DOCK3: variants seen among roughly 807,000 people sequenced by gnomAD.
The protein encoded by DOCK3 is dedicator of cytokinesis 3.
Under a neutral mutation model 265.6 loss-of-function variants are expected in DOCK3, and 60 were observed. The ratio of observed to expected loss-of-function variants is 0.23; its 90% confidence interval spans 0.18 to 0.28. DOCK3 has a LOEUF of 0.28. Among genes scored for constraint, DOCK3 ranks in the 10% least tolerant of loss-of-function variants. The pLI, the probability that DOCK3 is intolerant of heterozygous loss-of-function variation, is 1.00. For missense variants in DOCK3, 1,981 were observed against 2,594.3 expected (o/e 0.76, Z 5.14); for synonymous variants, 881 against 938.0 (o/e 0.94, Z 1.11).
chr3:51,000,071 T>C (rs1482916371), intron 5 of DOCK3, among the ~76,000 whole-genome samples: 1 of 152,194 alleles, frequency 6.6e-6, no homozygotes, highest in Non-Finnish European at 1.5e-5. Flanking sequence ...TTTCTTAGCA[T>C]GTATATGGCT....
chr3:50,803,518 C>T (rs2108690140), intron 2 of DOCK3, among the ~76,000 whole-genome samples: 1 of 152,082 alleles, frequency 6.6e-6, no homozygotes, highest in East Asian at 1.9e-4. Context: ...TTCCTTTCCC[C>T]ACACTTCCCC....
chr3:50,880,790 A>G (rs1359644068), intron 3 of DOCK3, among the ~76,000 whole-genome samples: 1 of 152,236 alleles, frequency 6.6e-6, no homozygotes, highest in Non-Finnish European at 1.5e-5. Flanking sequence ...GGCCAGCATC[A>G]TCCTGATACC....
At chr3:51,093,647 T>C (rs2082719064) in intron 9 of DOCK3, among the ~76,000 whole-genome samples, 1 of 152,214 alleles carries the variant, frequency 6.6e-6, no homozygotes, top group Admixed American at 6.5e-5. Context: ...TTTGACTTCC[T>C]CTCTTTCCTT....
intron 49 of DOCK3, among the ~76,000 whole-genome samples, chr3:51,365,969 C>T (rs2087124630): frequency 6.6e-6 from 1 of 152,112 alleles, no homozygotes; most frequent in Non-Finnish European, 1.5e-5. Context: ...GTGTCTCTGC[C>T]AGCCTTTGTT....
intron 15 of DOCK3, 91 bp from the exon 16 acceptor site, chr3:51,227,192 T>C: frequency 6.8e-7 from 1 of 1,476,040 alleles, no homozygotes; most frequent in Admixed American, 2.1e-5. Flanking sequence ...AATGAGACCT[T>C]TAGACAAGAG....
chr3:50,789,579 A>C (rs2042356687), intron 2 of DOCK3, among the ~76,000 whole-genome samples: 1 of 152,156 alleles, frequency 6.6e-6, no homozygotes, highest in Admixed American at 6.6e-5. Context: ...TGGATTATTG[A>C]AGTCCGCCAC....
At chr3:51,294,546 C>G (rs1163253665) in intron 27 of DOCK3, among the ~76,000 whole-genome samples, 4 of 151,878 alleles carry the variant, frequency 2.6e-5, no homozygotes, top group African/African-American at 9.7e-5. Context: ...GGCGTGGTGG[C>G]AGGTACCTGT....
chr3:51,154,284 T>C (rs973149826), intron 10 of DOCK3, among the ~76,000 whole-genome samples: 3 of 152,172 alleles, frequency 2.0e-5, no homozygotes, highest in South Asian at 2.1e-4. Context: ...AATAATATGT[T>C]GTCCATCTTT....
intron 9 of DOCK3, among the ~76,000 whole-genome samples, chr3:51,094,684 G>C (rs959279778): frequency 2.6e-5 from 4 of 150,956 alleles, no homozygotes; most frequent in Admixed American, 6.6e-5. Context: ...CCTGATCTTA[G>C]TTATTTCTTG....
At chr3:50,968,684 G>T (rs999079038) in intron 5 of DOCK3, among the ~76,000 whole-genome samples, 2 of 151,912 alleles carry the variant, frequency 1.3e-5, no homozygotes, top group Non-Finnish European at 2.9e-5. Context: ...CGAGTAGTTG[G>T]GACAACAGGT....
chr3:51,059,859 C>T (rs972373610), intron 5 of DOCK3, among the ~76,000 whole-genome samples: 1 of 152,126 alleles, frequency 6.6e-6, no homozygotes, highest in Non-Finnish European at 1.5e-5. Flanking sequence ...CAGGATCCAT[C>T]TGTTCATGTC....
chr3:50,978,324 T>C (rs1192086572), intron 5 of DOCK3, among the ~76,000 whole-genome samples: 2 of 151,820 alleles, frequency 1.3e-5, no homozygotes, highest in South Asian at 2.1e-4. Flanking sequence ...GGGTTTTTGG[T>C]GTGGATGTCC....
At chr3:51,311,942 C>A in intron 28 of DOCK3, 62 bp from the exon 29 acceptor site, 3 of 1,325,796 alleles carry the variant, frequency 2.3e-6, no homozygotes, top group South Asian at 1.4e-5. Context: ...CAGCTGATAC[C>A]AAGCCATCAG....
At chr3:51,136,270 C>A (rs2107077789) in intron 9 of DOCK3, among the ~76,000 whole-genome samples, 1 of 151,838 alleles carries the variant, frequency 6.6e-6, no homozygotes, top group East Asian at 1.9e-4. Context: ...GCTCGTCACC[C>A]AGGCTGGAGT....
At position 51,357,754 on chromosome 3, in the gene DOCK3, A is replaced by C. The variant is rs749349096; in HGVS notation, c.4684-4A>C. 1 of 1,613,906 alleles carries C rather than the reference A, an allele frequency of 6.2e-7. No individual in the cohort carries two copies. The highest frequency in any genetic ancestry group is 2.2e-5 in the East Asian group (1 of 44,884). On this transcript the variant is annotated splice_polypyrimidine_tract_variant and splice_region_variant and intron_variant, in intron 44 of 52. Transcript: ENST00000266037. ...TCTTCCTGACTTGGCCTTTCCTTTC[A>C]CAGGCCTTCTTTGATAAAGATTACA... is the stretch of plus-strand genomic sequence containing the variant.
At chr3:50,806,160 C>A (rs557163055) in intron 2 of DOCK3, among the ~76,000 whole-genome samples, 1 of 151,984 alleles carries the variant, frequency 6.6e-6, no homozygotes. Flanking sequence ...TGTGGAAATA[C>A]AACTGCCCAG....
intron 12 of DOCK3, among the ~76,000 whole-genome samples, chr3:51,183,856 G>A (rs1300540458): frequency 6.6e-6 from 1 of 152,032 alleles, no homozygotes; most frequent in Non-Finnish European, 1.5e-5. Flanking sequence ...GGCACATACA[G>A]TTACATATTA....
At chr3:51,243,590 T>A in intron 21 of DOCK3, among the ~76,000 whole-genome samples, 1 of 152,194 alleles carries the variant, frequency 6.6e-6, no homozygotes, top group Non-Finnish European at 1.5e-5. Flanking sequence ...TTATAGGAGT[T>A]CTTTATATAT....
intron 9 of DOCK3, among the ~76,000 whole-genome samples, chr3:51,092,918 C>T (rs954449398): frequency 6.6e-6 from 1 of 152,170 alleles, no homozygotes; most frequent in African/African-American, 2.4e-5. Context: ...TTTCCCGACA[C>T]CATTTATTAA....
Sources: gnomAD v4.1 joint callset for allele counts (sites outside exome capture counted in the v4.1 genomes callset) on GRCh38, gnomAD v4.1.1 for gene constraint, MANE v1.5 for transcripts, NCBI Gene and HGNC (gene_info 2026-07-23, HGNC 2026-07-21) for gene names.